The following C8orf76 variants were observed in gnomAD, a reference collection of about 807,000 sequenced individuals.
The protein encoded by C8orf76 is uncharacterized protein C8orf76.
A neutral mutation model predicts 38.1 loss-of-function variants in C8orf76; 46 were observed. The observed-to-expected ratio is 1.21, with a 90% CI of 0.95 to 1.54. The LOEUF is 1.54. Ranked by LOEUF, C8orf76 falls within the 40% of genes most tolerant of loss-of-function variation. C8orf76 has a pLI of 0.00. For synonymous variants in C8orf76, 166 were observed against 167.5 expected (o/e 0.99, Z 0.07); for missense variants, 461 against 441.6 (o/e 1.04, Z -0.39).
chr8:123,221,845 G>A lies in C8orf76; in HGVS notation c.949-1548C>T, dbSNP rs549043603. Among the ~76,000 whole-genome samples, 4 of 152,292 alleles carry A rather than the reference G, an allele frequency of 2.6e-5. No homozygotes were observed. In the South Asian group the frequency reaches 6.2e-4, roughly 24 times the overall value. On this transcript the variant is annotated intron_variant, in intron 5 of 5. Transcript: ENST00000276704. ...GATGCCGTGAGCCCAGGAGTTGGAG[G>A]CTGCAGTGAGCTATGACTGTGCCAC...
intron 5 of C8orf76, chr8:123,226,226 C>A (rs1349674930): frequency 8.5e-6 from 11 of 1,292,958 alleles, no homozygotes; most frequent in Non-Finnish European, 1.1e-5. Context: ...AGCACTGAAA[C>A]AAACAATTAT....
At chr8:123,240,464 G>C (rs995623540) in intron 1 of C8orf76, among the ~76,000 whole-genome samples, 10 of 151,744 alleles carry the variant, frequency 6.6e-5, no homozygotes, top group Non-Finnish European at 1.0e-4. Flanking sequence ...GAACACTTCC[G>C]TATTTTCCAT....
At chr8:123,226,687 A>G (rs768593856) in intron 4 of C8orf76, 55 bp from the exon 5 acceptor site, 2 of 1,533,562 alleles carry the variant, frequency 1.3e-6, no homozygotes, top group Non-Finnish European at 1.7e-6. Context: ...CTTCCAGATA[A>G]AGGAAAGCCG....
chr8:123,220,518 C>G (rs1458536931), intron 5 of C8orf76, among the ~76,000 whole-genome samples: 1 of 152,186 alleles, frequency 6.6e-6, no homozygotes, highest in African/African-American at 2.4e-5. Flanking sequence ...AAGTAGTTAT[C>G]CAAGGACAAA....
At chr8:123,222,117 T>A (rs953461128) in intron 5 of C8orf76, among the ~76,000 whole-genome samples, 3 of 152,106 alleles carry the variant, frequency 2.0e-5, no homozygotes, top group Non-Finnish European at 2.9e-5. Context: ...GCCTCCCAAG[T>A]AGCTGGGATT....
chr8:123,226,523 C>G lies in C8orf76; in HGVS notation c.925G>C (p.Asp309His). Residue 309 changes from aspartate (D) to histidine (H), a missense_variant, in exon 5 of 6, where the codon GAC becomes CAC. Physicochemically the swap from Asp to His is moderately conservative, Grantham distance 81. Coordinates refer to ENST00000276704, the MANE Select transcript of C8orf76 (RefSeq NM_032847.3). ...DKMKGFSFKE[D>H]TLLLIAEVMG... ...ACCTCAGCTATCAACAGCAAAGTGTCTTCTTTGAAGCTGAACCCTTTCATT... is the reference window on the plus strand; with the variant it reads ...ACCTCAGCTATCAACAGCAAAGTGTGTTCTTTGAAGCTGAACCCTTTCATT... 6.2e-7 allele frequency: 1 copy of G among 1,613,406 alleles called. No individual in the cohort carries two copies. The highest frequency in any genetic ancestry group is 8.5e-7 in the Non-Finnish European group (1 of 1,179,876).
At chr8:123,239,169 T>A in intron 1 of C8orf76, 25 bp from the exon 2 acceptor site, 1 of 1,609,010 alleles carries the variant, frequency 6.2e-7, no homozygotes, top group Non-Finnish European at 8.5e-7. Flanking sequence ...AATAGCCTAT[T>A]ACAGAGTGAG....
At chr8:123,235,902 G>A (rs1198229060) in intron 3 of C8orf76, among the ~76,000 whole-genome samples, 1 of 152,190 alleles carries the variant, frequency 6.6e-6, no homozygotes, top group Non-Finnish European at 1.5e-5. Flanking sequence ...GCTACAGAAA[G>A]GCACCGGAAG....
At chr8:123,222,161 G>A (rs1455478610) in intron 5 of C8orf76, among the ~76,000 whole-genome samples, 1 of 151,584 alleles carries the variant, frequency 6.6e-6, no homozygotes, top group Non-Finnish European at 1.5e-5. Context: ...GCTAATTTTT[G>A]TATTTTTAGT....
At chr8:123,239,238 CA>C in intron 1 of C8orf76, 94 bp from the exon 2 acceptor site, 11 of 1,332,468 alleles carry the variant, frequency 8.3e-6, no homozygotes, top group South Asian at 2.5e-5. Context: ...GATTAAACGT[CA>C]AAAAAAGACT....
intron 1 of C8orf76, 121 bp from the exon 2 acceptor site, chr8:123,239,265 C>T: frequency 9.3e-7 from 1 of 1,070,398 alleles, no homozygotes; most frequent in East Asian, 2.8e-5. Context: ...AAGAGTCTGG[C>T]CAGGTTAGTC....
chr8:123,231,335 A>G lies in C8orf76; in HGVS notation c.780T>C (p.Thr260=). The change falls in exon 4 of 6, where the codon ACT becomes ACC. Residue 260 remains threonine (T), a synonymous_variant. Transcript: ENST00000276704. ...AEKRETVLIE[T]QLKACASFIR... ...TAAAAGAGGCACATGCTTTCAGCTG[A>G]GTCTCTATCAACACTGTTTCTCTCT... 6.2e-7 allele frequency: 1 copy of G among 1,612,482 alleles called. No homozygotes were observed. Among genetic ancestry groups the G allele is most frequent in the Non-Finnish European group, 8.5e-7 (1 of 1,179,566 alleles).
At chr8:123,238,578 T>C (rs1002428171) in intron 2 of C8orf76, 1 of 157,024 alleles carries the variant, frequency 6.4e-6, no homozygotes, top group Non-Finnish European at 1.4e-5. Context: ...TGGGACCAAA[T>C]ATACTAGGCT....
intron 3 of C8orf76, among the ~76,000 whole-genome samples, chr8:123,232,306 C>T (rs1359411017): frequency 6.6e-6 from 1 of 152,230 alleles, no homozygotes; most frequent in Non-Finnish European, 1.5e-5. Context: ...CAAATGCCTT[C>T]CCTGGTAACC....
chr8:123,224,383 G>A (rs1307727468), intron 5 of C8orf76, among the ~76,000 whole-genome samples: 5 of 152,098 alleles, frequency 3.3e-5, no homozygotes, highest in Non-Finnish European at 7.4e-5. Flanking sequence ...AGGCCAAGGC[G>A]GGACGATCAT....
At chr8:123,229,229 C>G (rs912914055) in intron 4 of C8orf76, among the ~76,000 whole-genome samples, 32 of 152,220 alleles carry the variant, frequency 2.1e-4, no homozygotes, top group Admixed American at 1.9e-3. Context: ...GCAAGATAAG[C>G]TGAAAGAATA....
At chr8:123,237,755 C>G (rs909677931) in intron 3 of C8orf76, 43 bp downstream of exon 3, 3 of 1,596,708 alleles carry the variant, frequency 1.9e-6, no homozygotes, top group Middle Eastern at 1.7e-4. Flanking sequence ...ATTCGACCAC[C>G]CTTATAGGAA....
chr8:123,222,740 A>C (rs758994313), intron 5 of C8orf76, among the ~76,000 whole-genome samples: 72 of 152,334 alleles, frequency 4.7e-4, no homozygotes, highest in Middle Eastern at 3.4e-3. Context: ...ATTAATGCTA[A>C]AAACATTACA....
chr8:123,220,237 C>T lies in C8orf76; in HGVS notation c.1009G>A (p.Val337Ile). 6.2e-7 allele frequency: 1 copy of T among 1,613,306 alleles called. No individual in the cohort carries two copies. The highest frequency in any genetic ancestry group is 8.5e-7 in the Non-Finnish European group (1 of 1,179,638). Residue 337 changes from valine to isoleucine, a missense_variant, in exon 6 of 6, where the codon GTT becomes ATT. By Grantham distance (29) the Val-to-Ile change is conservative. Transcript: ENST00000276704. The part of the protein sequence containing the change: ...KDEVHPEVKC[V>I]GSVALTALVT... ...AAGGCAGTCAGGGCTACGGAGCCAA[C>T]ACACTTCACCTCTGGGTGAACTTCA...
Sources: allele counts gnomAD v4.1 joint callset (sites outside exome capture counted in the v4.1 genomes callset), GRCh38; gene constraint gnomAD v4.1.1; transcripts MANE v1.5; gene names NCBI Gene and HGNC (gene_info 2026-07-23, HGNC 2026-07-21).